EAF1: variants seen among roughly 807,000 people sequenced by gnomAD.
EAF1 encodes ELL associated factor 1, also known as ELL-associated factor 1.
EAF1 carries 19 observed loss-of-function variants against 26.6 expected under a neutral mutation model. The observed-to-expected ratio is 0.71, with a 90% CI of 0.50 to 1.05. EAF1 has a LOEUF of 1.05. Ranked by LOEUF, EAF1 falls within the 50% of genes least tolerant of loss-of-function variation. The pLI, the probability that EAF1 is intolerant of heterozygous loss-of-function variation, is 0.00. For synonymous variants in EAF1, 102 were observed against 120.6 expected, an observed-to-expected ratio of 0.85 and a Z score of 1.01; for missense variants, 260 against 335.5, an observed-to-expected ratio of 0.78 and a Z score of 1.76.
chr3:15,434,394 A>C lies in EAF1; in HGVS notation c.382A>C (p.Thr128Pro), dbSNP rs768919179. ...CCAGGCCCGAATGGAACAGCAGCCC[A>C]CTCGTCCTCCACAGACGTCACAGCC... The part of the protein sequence containing the change: ...KIQARMEQQP[T>P]RPPQTSQPPP... Residue 128 changes from threonine to proline, a missense_variant, in exon 4 of 6, where the codon ACT becomes CCT. Coordinates refer to ENST00000396842, the MANE Select transcript of EAF1 (RefSeq NM_033083.7). 7 of 1,613,914 alleles carry C rather than the reference A, an allele frequency of 4.3e-6. No individual in the cohort carries two copies. The African/African-American group carries it at 9.4e-5, about 22-fold the overall frequency.
At chr3:15,433,117 T>C (rs1344160673) in intron 3 of EAF1, 1 of 152,510 alleles carries the variant, frequency 6.6e-6, no homozygotes, top group Non-Finnish European at 1.5e-5. Flanking sequence ...GTTAAAAATA[T>C]GGAATTGTTC....
At chr3:15,437,246 CTTTTTT>C (rs71045159) in intron 5 of EAF1, among the ~76,000 whole-genome samples, 1 of 120,452 alleles carries the variant, frequency 8.3e-6, no homozygotes, top group Non-Finnish European at 1.7e-5. Flanking sequence ...AGTGTGGTGG[CTTTTTT>C]TTTTTTTTTT....
At chr3:15,438,366 G>A (rs925331675) in intron 5 of EAF1, among the ~76,000 whole-genome samples, 4 of 152,186 alleles carry the variant, frequency 2.6e-5, no homozygotes, top group African/African-American at 9.7e-5. Context: ...TGCCAGAGCA[G>A]ATACTGCATT....
At chr3:15,438,584 G>T (rs769342875) in intron 5 of EAF1, 1 of 151,110 alleles carries the variant, frequency 6.6e-6, no homozygotes, top group Non-Finnish European at 1.5e-5. Flanking sequence ...GAGTGCAGTG[G>T]TGCAATCTTG....
intron 2 of EAF1, among the ~76,000 whole-genome samples, chr3:15,431,745 A>G (rs1373907048): frequency 1.3e-5 from 2 of 152,206 alleles, no homozygotes; most frequent in African/African-American, 4.8e-5. Context: ...TGACAAAGAA[A>G]TAGAGATCAC....
chr3:15,432,945 A>G (rs891839542), intron 3 of EAF1, among the ~76,000 whole-genome samples: 5 of 152,060 alleles, frequency 3.3e-5, no homozygotes, highest in Non-Finnish European at 5.9e-5. Flanking sequence ...ATGCTTCGTT[A>G]AGCCATTTTT....
Position 15,439,356 on chromosome 3 carries a change from A to G in EAF1, c.*201A>G. The G allele has an allele frequency of 2.1e-6, 1 of 474,432 alleles. No homozygotes were observed. Among genetic ancestry groups the G allele is most frequent in the Non-Finnish European group, 3.7e-6 (1 of 267,448 alleles). 29.4% of individuals were successfully genotyped at this position (474,432 alleles called of 1,614,324 possible). A position where few individuals can be genotyped will look rare whatever the true frequency, so the allele number is the denominator to read the frequency against. On this transcript the variant is annotated 3_prime_UTR_variant, in exon 6 of 6. Transcript: ENST00000396842. The stretch of plus-strand genomic sequence containing the variant: ...TCTCGTGTCATTTTTGAACAATCTC[A>G]TCTTTCAAAGTTTAAGTAGACCTGT...
rs2061869016 is a variant in EAF1 at position 15,441,439 on chromosome 3, CTT to C, written c.*2285_*2286del. On this transcript the variant is annotated 3_prime_UTR_variant, in exon 6 of 6. Coordinates refer to ENST00000396842, the MANE Select transcript of EAF1 (RefSeq NM_033083.7). ...TCTGTGGGTACCATCTTTGTGGACT[CTT>C]GTCTTTTTTTTCAACCCACATGGAG... The C allele has an allele frequency of 6.8e-6, 1 of 146,378 alleles. No homozygotes were observed. The highest frequency in any genetic ancestry group is 2.5e-5 in the African/African-American group (1 of 39,304). 9.1% of individuals were successfully genotyped at this position (146,378 alleles called of 1,614,324 possible). A position where few individuals can be genotyped will look rare whatever the true frequency, so the allele number is the denominator to read the frequency against.
Position 15,427,836 on chromosome 3 carries a change from G to GGAGA in EAF1, c.59_62dup (p.Ser21ArgfsTer17). On this transcript the variant is annotated frameshift_variant, in exon 1 of 6. Coordinates refer to ENST00000396842, the MANE Select transcript of EAF1 (RefSeq NM_033083.7). LOFTEE classifies it high-confidence loss of function. Reference sequence around the variant, plus strand: ...GCGAGGAACATTGCCTGAGGCTCGGGGAGAGCTTCGAGAAGCGGCCGCGGG... The same window carrying GGAGA: ...GCGAGGAACATTGCCTGAGGCTCGGGGAGAGAGAGCTTCGAGAAGCGGCCGCGGG... The GGAGA allele has an allele frequency of 6.4e-7, 1 of 1,551,202 alleles. No homozygotes were observed. The highest frequency in any genetic ancestry group is 8.7e-7 in the Non-Finnish European group (1 of 1,146,778).
Position 15,436,543 on chromosome 3 carries a change from C to T in EAF1, c.728C>T (p.Pro243Leu), listed in dbSNP as rs1393388664. 2.5e-6 allele frequency: 4 copies of T among 1,590,482 alleles called. No individual in the cohort carries two copies. In the East Asian group the frequency reaches 9.1e-5, roughly 36 times the overall value. ...RPAVANGTSR[P>L]QGSNQLMNTL... ...GCCGTTGCCAATGGAACCAGCCGGC[C>T]ACAAGGAAGCAACCAGCTCATGAAC... The change falls in exon 5 of 6, where the codon CCA becomes CTA. Residue 243 changes from proline (P) to leucine (L), a missense_variant. By Grantham distance (98) the Pro-to-Leu change is moderately conservative. Coordinates refer to ENST00000396842, the MANE Select transcript of EAF1 (RefSeq NM_033083.7).
chr3:15,441,194 C>T lies in EAF1; in HGVS notation c.*2039C>T, dbSNP rs1389125151. ...ACTGTATGGTTTTTCTCTAGCACGG[C>T]TTCAATTTTGTTCTCTGCACAAAGC... On this transcript the variant is annotated 3_prime_UTR_variant, in exon 6 of 6. Transcript: ENST00000396842. 3.3e-5 allele frequency: 5 copies of T among 153,834 alleles called. No individual in the cohort carries two copies. The Admixed American group carries it at 3.3e-4, about 10-fold the overall frequency. The allele number at this position is 153,834 out of a possible 1,614,324, so 9.5% of individuals were successfully genotyped here. A position where few individuals can be genotyped will look rare whatever the true frequency, so the allele number is the denominator to read the frequency against.
intron 2 of EAF1, among the ~76,000 whole-genome samples, chr3:15,431,880 C>T (rs544009972): frequency 3.9e-5 from 6 of 152,272 alleles, no homozygotes; most frequent in East Asian, 1.9e-4. Flanking sequence ...ACTTAGAACG[C>T]GTTGCACATT....
At chr3:15,436,232 A>T in intron 4 of EAF1, 110 bp from the exon 5 acceptor site, 1 of 797,304 alleles carries the variant, frequency 1.3e-6, no homozygotes, top group Non-Finnish European at 1.9e-6. Context: ...ACTTTGTTTT[A>T]AATTATTTCT....
chr3:15,432,525 A>G (rs574885507), intron 3 of EAF1, among the ~76,000 whole-genome samples: 2 of 152,374 alleles, frequency 1.3e-5, no homozygotes, highest in South Asian at 2.1e-4. Context: ...CACCTAAGGG[A>G]TAAGATAACT....
At chr3:15,430,038 A>C in intron 2 of EAF1, 31 bp downstream of exon 2, 1 of 1,367,548 alleles carries the variant, frequency 7.3e-7, no homozygotes, top group Non-Finnish European at 1.0e-6. Context: ...TTTTTAATGT[A>C]AGATCACAAT....
At chr3:15,431,683 A>T (rs1327914329) in intron 2 of EAF1, among the ~76,000 whole-genome samples, 1 of 152,174 alleles carries the variant, frequency 6.6e-6, no homozygotes, top group African/African-American at 2.4e-5. Context: ...TTCTCTTGGA[A>T]AATGCTCTGT....
chr3:15,435,283 C>T lies in EAF1; in HGVS notation c.526+745C>T, dbSNP rs572742625. 5.3e-5 allele frequency among the ~76,000 whole-genome samples: 8 copies of T among 152,260 alleles called. No individual in the cohort carries two copies. In the South Asian group the frequency reaches 1.5e-3, roughly 28 times the overall value. ...GCTTACCTTGGCTTTCTCCTTCACA[C>T]GATGAATGGTTTTAGTCCTCCAGAC... On this transcript the variant is annotated intron_variant, in intron 4 of 5. Coordinates refer to ENST00000396842, the MANE Select transcript of EAF1 (RefSeq NM_033083.7).
rs774271370 is a variant in EAF1, at chr3:15,436,346, G to C, written c.531G>C (p.Leu177=). ...ATGTCATATCCTTTATTCCAGAGCT[G>C]AGGGCTGAAGTTGACATTATTGAAC... is the stretch of plus-strand genomic sequence containing the variant. ...EPQLDDIKRE[L]RAEVDIIEQM... Residue 177 remains leucine (L), a synonymous_variant, in exon 5 of 6, where the codon CTG becomes CTC. Coordinates refer to ENST00000396842, the MANE Select transcript of EAF1 (RefSeq NM_033083.7). 2 of 1,604,472 alleles carry C rather than the reference G, an allele frequency of 1.2e-6. No homozygotes were observed. The highest frequency in any genetic ancestry group is 4.5e-5 in the East Asian group (2 of 44,602).
At chr3:15,436,837 C>T (rs1262709005) in intron 5 of EAF1, among the ~76,000 whole-genome samples, 1 of 152,142 alleles carries the variant, frequency 6.6e-6, no homozygotes, top group Non-Finnish European at 1.5e-5. Context: ...AACAGATAGG[C>T]TGTTTTTGCT....
Sources: gnomAD v4.1 joint callset for allele counts (sites outside exome capture counted in the v4.1 genomes callset) on GRCh38, gnomAD v4.1.1 for gene constraint, MANE v1.5 for transcripts, NCBI Gene and HGNC (gene_info 2026-07-23, HGNC 2026-07-21) for gene names.